CALHM4: variants seen among roughly 807,000 people sequenced by gnomAD.
CALHM4 encodes calcium homeostasis modulator protein 4.
In CALHM4, 16 loss-of-function variants were observed where a neutral mutation model predicts 13.3. The observed-to-expected ratio is 1.20, with a 90% CI of 0.81 to 1.82. CALHM4 has a LOEUF of 1.82. Among genes scored for constraint, CALHM4 ranks in the 40% most tolerant of loss-of-function variants. The pLI is 0.00. For missense variants in CALHM4, 344 were observed against 374.9 expected (o/e 0.92, Z 0.68); for synonymous variants, 127 against 137.1 (o/e 0.93, Z 0.52).
At chr6:116,540,314 G>T in intron 1 of CALHM4, 2 of 1,515,636 alleles carry the variant, frequency 1.3e-6, no homozygotes, top group Non-Finnish European at 1.8e-6. Flanking sequence ...TACTCAAAAA[G>T]AATCAGAGAT....
chr6:116,557,741 G>T (rs1308819423), intron 1 of CALHM4, 84 bp from the exon 2 acceptor site: 1 of 1,471,466 alleles, frequency 6.8e-7, no homozygotes, highest in South Asian at 1.3e-5. Flanking sequence ...TCTTAGGTTT[G>T]TAGGAATCCC....
upstream of CALHM4, among the ~76,000 whole-genome samples, chr6:116,552,061 C>G (rs1438795276): frequency 6.6e-6 from 1 of 152,078 alleles, no homozygotes; most frequent in South Asian, 2.1e-4. Flanking sequence ...GGCTCATTTT[C>G]CTTTTTGCTG....
chr6:116,545,352 C>A (rs1160187637), intron 2 of CALHM4: 3 of 733,546 alleles, frequency 4.1e-6, no homozygotes, highest in Admixed American at 5.8e-5. Flanking sequence ...ATTCACTTCG[C>A]TGAACACTGT....
chr6:116,531,650 T>A (rs1772733264), intron 1 of CALHM4, among the ~76,000 whole-genome samples: 1 of 152,142 alleles, frequency 6.6e-6, no homozygotes, highest in Non-Finnish European at 1.5e-5. Flanking sequence ...CTAACACAAT[T>A]TGGCTCCATG....
At chr6:116,549,583 T>C (rs1179361297), upstream of CALHM4, among the ~76,000 whole-genome samples, 1 of 151,914 alleles carries the variant, frequency 6.6e-6, no homozygotes, top group African/African-American at 2.4e-5. Context: ...TTTATATATA[T>C]AAAACTCTCA....
At chr6:116,550,545 T>C (rs754386208), upstream of CALHM4, among the ~76,000 whole-genome samples, 8 of 152,216 alleles carry the variant, frequency 5.3e-5, no homozygotes, top group Non-Finnish European at 1.0e-4. Flanking sequence ...GAGCAGTGCC[T>C]AGTATCAGTA....
upstream of CALHM4, among the ~76,000 whole-genome samples, chr6:116,551,742 G>A (rs995787939): frequency 3.3e-5 from 5 of 152,148 alleles, no homozygotes; most frequent in South Asian, 4.1e-4. Flanking sequence ...GGAGACACAC[G>A]CTTATGTTAT....
At chr6:116,548,218 A>G (rs145073198) in intron 2 of CALHM4, among the ~76,000 whole-genome samples, 57 of 152,312 alleles carry the variant, frequency 3.7e-4, no homozygotes, top group African/African-American at 1.1e-3. Flanking sequence ...CTCTTCTGCT[A>G]TGTGAGGATA....
chr6:116,550,025 T>TATACAC (rs765467696), upstream of CALHM4, among the ~76,000 whole-genome samples: 3 of 96,340 alleles, frequency 3.1e-5, no homozygotes, highest in African/African-American at 1.2e-4. Context: ...TATATATATA[T>TATACAC]ACACACACAC....
intron 1 of CALHM4, among the ~76,000 whole-genome samples, chr6:116,541,826 A>T (rs1311697414): frequency 6.6e-6 from 1 of 152,174 alleles, no homozygotes; most frequent in Admixed American, 6.6e-5. Flanking sequence ...CTATATCTAC[A>T]CATATTGCTT....
upstream of CALHM4, among the ~76,000 whole-genome samples, chr6:116,550,001 TATATATATATATATATATATATATAC>T (rs903233599): frequency 1.5e-5 from 2 of 129,520 alleles, no homozygotes; most frequent in South Asian, 2.3e-4. Context: ...TATATATATA[TATATATATATATATATATATATATAC>T]ACACACACAC....
upstream of CALHM4, among the ~76,000 whole-genome samples, chr6:116,549,011 A>G (rs1462032800): frequency 6.6e-6 from 1 of 152,188 alleles, no homozygotes; most frequent in African/African-American, 2.4e-5. Flanking sequence ...AAGGCCAGGC[A>G]TGGTGGTTCA....
At chr6:116,550,141 G>A (rs532953408), upstream of CALHM4, among the ~76,000 whole-genome samples, 12 of 151,164 alleles carry the variant, frequency 7.9e-5, no homozygotes, top group Non-Finnish European at 1.8e-4. Context: ...GTTGACAATT[G>A]CCAAAATTAT....
chr6:116,534,865 A>T (rs1772974696), intron 1 of CALHM4, among the ~76,000 whole-genome samples: 1 of 152,178 alleles, frequency 6.6e-6, no homozygotes, highest in Admixed American at 6.6e-5. Flanking sequence ...TAAACCTAAA[A>T]ATCGGGGTTT....
At chr6:116,551,366 C>A (rs774278560), upstream of CALHM4, among the ~76,000 whole-genome samples, 2 of 152,088 alleles carry the variant, frequency 1.3e-5, no homozygotes, top group Non-Finnish European at 2.9e-5. Flanking sequence ...TATTTTCTGT[C>A]GGTATAGATT....
intron 1 of CALHM4, among the ~76,000 whole-genome samples, chr6:116,534,040 A>G (rs1479052610): frequency 6.6e-6 from 1 of 152,178 alleles, no homozygotes; most frequent in Non-Finnish European, 1.5e-5. Context: ...AGCCTTAAGA[A>G]GTGGAACTCT....
chr6:116,542,530 G>C (rs1161047095), intron 1 of CALHM4, among the ~76,000 whole-genome samples: 3 of 152,048 alleles, frequency 2.0e-5, no homozygotes, highest in African/African-American at 7.2e-5. Context: ...ACATTTTCCA[G>C]TCTTTCCTCT....
chr6:116,537,212 G>A (rs1353280822), intron 1 of CALHM4, among the ~76,000 whole-genome samples: 1 of 152,226 alleles, frequency 6.6e-6, no homozygotes, highest in Non-Finnish European at 1.5e-5. Context: ...AGGAGTGGAA[G>A]TGGATCTTTT....
intron 1 of CALHM4, among the ~76,000 whole-genome samples, chr6:116,539,889 A>G (rs183257792): frequency 6.6e-6 from 1 of 152,322 alleles, no homozygotes; most frequent in East Asian, 1.9e-4. Flanking sequence ...TGTCTCCTAC[A>G]TATCAGGGCT....
Sources: gnomAD v4.1 joint callset for allele counts (sites outside exome capture counted in the v4.1 genomes callset) on GRCh38, gnomAD v4.1.1 for gene constraint, MANE v1.5 for transcripts, NCBI Gene and HGNC (gene_info 2026-07-23, HGNC 2026-07-21) for gene names.